DAPL1: variants seen among roughly 807,000 people sequenced by gnomAD.
DAPL1 encodes the protein death associated protein like 1, also known as death-associated protein-like 1.
DAPL1 carries 17 observed loss-of-function variants against 12.9 expected under a neutral mutation model. The observed-to-expected ratio is 1.32, with a 90% CI of 0.90 to 1.98. The LOEUF is 1.98. Ranked by LOEUF, DAPL1 falls within the 30% of genes most tolerant of loss-of-function variation. The probability of loss-of-function intolerance (pLI) is 0.00; values close to 1 mark genes in which losing one functional copy is unlikely to be tolerated. For missense variants in DAPL1, 157 were observed against 125.7 expected (o/e 1.25, Z -1.19); for synonymous variants, 51 against 42.0 (o/e 1.21, Z -0.82).
chr2:158,809,578 G>A (rs975011544), intron 3 of DAPL1, among the ~76,000 whole-genome samples: 3 of 151,888 alleles, frequency 2.0e-5, no homozygotes, highest in African/African-American at 7.3e-5. Context: ...ACTTTTTTGT[G>A]CTCCTCTTTC....
chr2:158,815,608 A>C, intron 3 of DAPL1, 97 bp from the exon 4 acceptor site: 1 of 798,008 alleles, frequency 1.3e-6, no homozygotes, highest in Non-Finnish European at 2.2e-6. Flanking sequence ...CAAAATTGTG[A>C]GATTCCCTTG....
chr2:158,806,823 C>A (rs1015142634), intron 2 of DAPL1, among the ~76,000 whole-genome samples: 7 of 146,146 alleles, frequency 4.8e-5, no homozygotes, highest in African/African-American at 1.8e-4. Context: ...GCAACAAGAG[C>A]GAAACTGTGT....
chr2:158,811,307 T>G (rs2059229071), intron 3 of DAPL1, among the ~76,000 whole-genome samples: 1 of 152,196 alleles, frequency 6.6e-6, no homozygotes, highest in South Asian at 2.1e-4. Context: ...ATCCTTGAAT[T>G]TCATTGACGA....
chr2:158,805,327 G>A lies in DAPL1; in HGVS notation c.146+958G>A, dbSNP rs180786607. Among the ~76,000 whole-genome samples, 506 of 152,298 alleles carry A rather than the reference G, an allele frequency of 3.3e-3. 1 individual carries two copies. Among genetic ancestry groups the A allele is most frequent in the Middle Eastern group, 0.017 (5 of 294 alleles). On this transcript the variant is annotated intron_variant, in intron 2 of 3. Coordinates refer to ENST00000309950, the MANE Select transcript of DAPL1 (RefSeq NM_001017920.3). ...TACTGATTCGCTCCATTAGCAGCAA[G>A]TCATTTGTTATTTCTGATATCAGAA...
At chr2:158,814,656 T>C (rs1193803481) in intron 3 of DAPL1, among the ~76,000 whole-genome samples, 4 of 152,158 alleles carry the variant, frequency 2.6e-5, no homozygotes, top group African/African-American at 9.7e-5. Flanking sequence ...TGAGAAGAGA[T>C]GTAAGGCACA....
At chr2:158,807,457 G>A (rs916770073) in intron 3 of DAPL1, among the ~76,000 whole-genome samples, 1 of 152,160 alleles carries the variant, frequency 6.6e-6, no homozygotes, top group African/African-American at 2.4e-5. Context: ...TGGGGCTTCA[G>A]TGGTTTTTGA....
At chr2:158,799,786 C>G (rs2059156447) in intron 1 of DAPL1, among the ~76,000 whole-genome samples, 1 of 152,120 alleles carries the variant, frequency 6.6e-6, no homozygotes, top group South Asian at 2.1e-4. Context: ...GAGCCTACAG[C>G]CCTATGACAG....
At chr2:158,798,819 A>T (rs1197692182) in intron 1 of DAPL1, among the ~76,000 whole-genome samples, 1 of 152,140 alleles carries the variant, frequency 6.6e-6, no homozygotes, top group Non-Finnish European at 1.5e-5. Flanking sequence ...TTTTGCAAAC[A>T]TCTAAACTTT....
At chr2:158,813,185 A>G (rs947221666) in intron 3 of DAPL1, among the ~76,000 whole-genome samples, 1 of 152,222 alleles carries the variant, frequency 6.6e-6, no homozygotes, top group African/African-American at 2.4e-5. Context: ...AAGTAGTCAG[A>G]TTCATAGTTA....
chr2:158,795,461 G>A (rs1356173), intron 1 of DAPL1, 31 bp downstream of exon 1: 423,884 of 1,548,850 alleles, frequency 0.27, 63,839 homozygotes, highest in Non-Finnish European at 0.31. Flanking sequence ...AGTCCTGCAG[G>A]CTGTTGCTGC....
At chr2:158,800,081 A>T (rs55650626) in intron 1 of DAPL1, among the ~76,000 whole-genome samples, 33,747 of 144,998 alleles carry the variant, frequency 0.23, 5,023 homozygotes, top group South Asian at 0.36. Flanking sequence ...AAAAAAAAAA[A>T]TTTGGCATTT....
At chr2:158,803,900 G>C (rs1391314979) in intron 1 of DAPL1, among the ~76,000 whole-genome samples, 2 of 152,174 alleles carry the variant, frequency 1.3e-5, no homozygotes, top group African/African-American at 4.8e-5. Flanking sequence ...AATCTGGTGG[G>C]AAAACAGAGG....
At chr2:158,812,039 G>A (rs2059233748) in intron 3 of DAPL1, among the ~76,000 whole-genome samples, 1 of 152,096 alleles carries the variant, frequency 6.6e-6, no homozygotes, top group South Asian at 2.1e-4. Flanking sequence ...TCCACCCATA[G>A]CCCCAAGTCC....
chr2:158,811,846 A>T (rs2059232411), intron 3 of DAPL1, among the ~76,000 whole-genome samples: 1 of 152,276 alleles, frequency 6.6e-6, no homozygotes, highest in South Asian at 2.1e-4. Context: ...ATGTCAGACT[A>T]AAACACAGCT....
intron 3 of DAPL1, among the ~76,000 whole-genome samples, chr2:158,813,767 G>T (rs2059245408): frequency 6.6e-6 from 1 of 152,084 alleles, no homozygotes; most frequent in Non-Finnish European, 1.5e-5. Context: ...GTGTTAGCCA[G>T]GATGGTCTCG....
At chr2:158,806,120 G>T (rs1236343950) in intron 2 of DAPL1, among the ~76,000 whole-genome samples, 2 of 148,118 alleles carry the variant, frequency 1.4e-5, no homozygotes, top group Non-Finnish European at 3.0e-5. Context: ...ACACTCCTTT[G>T]TATGTCATCT....
intron 3 of DAPL1, among the ~76,000 whole-genome samples, chr2:158,808,227 G>C (rs2059212496): frequency 6.6e-6 from 1 of 152,230 alleles, no homozygotes; most frequent in Admixed American, 6.5e-5. Context: ...AGGACCACCA[G>C]CTCAGCCTTT....
intron 2 of DAPL1, among the ~76,000 whole-genome samples, chr2:158,806,766 G>A (rs1488112164): frequency 6.6e-6 from 1 of 151,854 alleles, no homozygotes; most frequent in Non-Finnish European, 1.5e-5. Context: ...AACCCAGGAG[G>A]CAGAGGTTGC....
At chr2:158,797,919 C>T (rs1001691235) in intron 1 of DAPL1, among the ~76,000 whole-genome samples, 14 of 152,122 alleles carry the variant, frequency 9.2e-5, no homozygotes, top group Non-Finnish European at 1.5e-4. Flanking sequence ...CCTAGTTATA[C>T]ATTTATGCTG....
Sources: allele counts gnomAD v4.1 joint callset (sites outside exome capture counted in the v4.1 genomes callset), GRCh38; gene constraint gnomAD v4.1.1; transcripts MANE v1.5; gene names NCBI Gene and HGNC (gene_info 2026-07-23, HGNC 2026-07-21).